Variants in YEATS2 observed in about 807,000 individuals in gnomAD.
YEATS2 encodes the protein YEATS domain containing 2, also known as YEATS domain-containing protein 2.
A neutral mutation model predicts 163.2 loss-of-function variants in YEATS2; 77 were observed. The observed-to-expected ratio is 0.47, with a 90% CI of 0.39 to 0.57. The LOEUF (loss-of-function observed/expected upper bound fraction) is 0.57, where lower values mean the gene tolerates loss of function less well. YEATS2 is among the 20% of genes least tolerant of loss of function. YEATS2 has a pLI of 0.00. For missense variants in YEATS2, 1,549 were observed against 1,729.8 expected, an observed-to-expected ratio of 0.90 and a Z score of 1.85; for synonymous variants, 631 against 645.1, an observed-to-expected ratio of 0.98 and a Z score of 0.33.
chr3:183,756,908 T>G (rs1720831806), intron 12 of YEATS2, among the ~76,000 whole-genome samples: 1 of 152,232 alleles, frequency 6.6e-6, no homozygotes, highest in Non-Finnish European at 1.5e-5. Flanking sequence ...TTTTAATTTC[T>G]AAAAGTTCAA....
At chr3:183,706,354 G>A (rs1282924463) in intron 1 of YEATS2, among the ~76,000 whole-genome samples, 1 of 152,138 alleles carries the variant, frequency 6.6e-6, no homozygotes, top group Non-Finnish European at 1.5e-5. Context: ...CTTAGGTCAT[G>A]TTAAGGAATG....
chr3:183,760,352 G>A (rs1001268707), intron 13 of YEATS2, among the ~76,000 whole-genome samples: 2 of 116,024 alleles, frequency 1.7e-5, no homozygotes, highest in East Asian at 2.8e-4. Flanking sequence ...ACAGAGTTTC[G>A]CTCTCGTTGC....
chr3:183,760,899 C>G (rs1264461992), intron 13 of YEATS2, among the ~76,000 whole-genome samples: 1 of 152,060 alleles, frequency 6.6e-6, no homozygotes, highest in Non-Finnish European at 1.5e-5. Context: ...TAGTGGTTTA[C>G]CAACTATCGG....
At chr3:183,718,639 T>C in intron 4 of YEATS2, 47 bp downstream of exon 4, 1 of 1,391,296 alleles carries the variant, frequency 7.2e-7, no homozygotes. Context: ...TCATATTTGT[T>C]GTCTGAGGGG....
intron 10 of YEATS2, among the ~76,000 whole-genome samples, chr3:183,752,862 A>ATCTC (rs1289965601): frequency 1.3e-5 from 2 of 151,414 alleles, no homozygotes; most frequent in Non-Finnish European, 2.9e-5. Context: ...CAGTGGCATG[A>ATCTC]TCTCGCCTCA....
At chr3:183,755,838 C>A (rs1720702424) in intron 11 of YEATS2, among the ~76,000 whole-genome samples, 1 of 148,178 alleles carries the variant, frequency 6.7e-6, no homozygotes, top group Non-Finnish European at 1.5e-5. Context: ...ACTCCGCCAC[C>A]CGGGTTCAAG....
chr3:183,703,654 T>C (rs1016168288), intron 1 of YEATS2, among the ~76,000 whole-genome samples: 3 of 152,194 alleles, frequency 2.0e-5, no homozygotes, highest in African/African-American at 7.2e-5. Flanking sequence ...CATTGAAATA[T>C]AGATTTTGAT....
chr3:183,780,961 A>G (rs1206051654), intron 19 of YEATS2, among the ~76,000 whole-genome samples: 1 of 152,210 alleles, frequency 6.6e-6, no homozygotes, highest in African/African-American at 2.4e-5. Context: ...ACTCAATAAA[A>G]AAGTCAAATC....
chr3:183,757,223 T>A (rs1018831472), intron 12 of YEATS2, among the ~76,000 whole-genome samples: 4 of 152,208 alleles, frequency 2.6e-5, no homozygotes, highest in African/African-American at 9.6e-5. Context: ...TTAGGTTTTT[T>A]TGAAATGCTT....
chr3:183,803,078 A>G lies in YEATS2; in HGVS notation c.3503-178A>G, dbSNP rs549113075. ...TGTGTTGCTTTGAGTACACACGGCA[A>G]GACACCTTCTCTTCTGAGGAGACGC... On this transcript the variant is annotated intron_variant, in intron 25 of 30. Coordinates refer to ENST00000305135, the MANE Select transcript of YEATS2 (RefSeq NM_018023.5). 8.5e-4 allele frequency: 545 copies of G among 638,092 alleles called. 4 individuals carry two copies. The South Asian group carries it at 0.01, about 12-fold the overall frequency. The allele number at this position is 638,092 out of a possible 1,614,324, so 39.5% of individuals were successfully genotyped here.
At chr3:183,797,741 A>G (rs1370093785) in intron 21 of YEATS2, among the ~76,000 whole-genome samples, 182 bp from the exon 22 acceptor site, 1 of 152,170 alleles carries the variant, frequency 6.6e-6, no homozygotes, top group East Asian at 1.9e-4. Context: ...AATTATTGTC[A>G]TGCCGATGTT....
At chr3:183,765,836 A>G (rs1721849652) in intron 15 of YEATS2, among the ~76,000 whole-genome samples, 1 of 152,030 alleles carries the variant, frequency 6.6e-6, no homozygotes, top group Non-Finnish European at 1.5e-5. Flanking sequence ...AATCCCAGCT[A>G]CTTGGGAGGC....
chr3:183,772,758 T>TAC (rs139500481), intron 16 of YEATS2, among the ~76,000 whole-genome samples, 195 bp downstream of exon 16: 31,952 of 78,690 alleles, frequency 0.41, 3,618 homozygotes, highest in East Asian at 0.58. Flanking sequence ...GCTTTAAATT[T>TAC]ACACACACAC....
At chr3:183,808,127 A>G (rs1726411030) in intron 29 of YEATS2, 23 bp downstream of exon 29, 17 of 1,547,556 alleles carry the variant, frequency 1.1e-5, no homozygotes, top group Non-Finnish European at 1.5e-5. Context: ...AGGGGCCGCC[A>G]GCCAGGAAGG....
intron 1 of YEATS2, among the ~76,000 whole-genome samples, chr3:183,700,915 CAATT>C (rs1714013146): frequency 6.6e-6 from 1 of 151,240 alleles, no homozygotes; most frequent in Non-Finnish European, 1.5e-5. Flanking sequence ...TTGAGAGTGA[CAATT>C]AAGAGGTAAG....
intron 19 of YEATS2, among the ~76,000 whole-genome samples, chr3:183,784,105 G>A (rs1577186115): frequency 6.6e-6 from 1 of 152,126 alleles, no homozygotes. Flanking sequence ...GGTCAAGGTT[G>A]CCCAGGCTGG....
At position 183,790,672 on chromosome 3, in the gene YEATS2, T is replaced by C. The variant is rs1400657974; in HGVS notation, c.2914-125T>C. ...AATCTTTTTTAAATGGTATGGCATTTACTAAGTAGTCATTAACACCTAATA... is the reference window on the plus strand; with the variant it reads ...AATCTTTTTTAAATGGTATGGCATTCACTAAGTAGTCATTAACACCTAATA... On this transcript the variant is annotated intron_variant, in intron 20 of 30. Coordinates refer to ENST00000305135, the MANE Select transcript of YEATS2 (RefSeq NM_018023.5). The C allele has an allele frequency of 2.2e-5, 22 of 991,142 alleles. No individual in the cohort carries two copies. The East Asian group carries it at 5.4e-4, about 24-fold the overall frequency. The allele number at this position is 991,142 out of a possible 1,614,324, so 61.4% of individuals were successfully genotyped here.
chr3:183,786,657 G>A (rs1429224158), intron 20 of YEATS2, among the ~76,000 whole-genome samples: 2 of 148,238 alleles, frequency 1.3e-5, no homozygotes, highest in Non-Finnish European at 2.9e-5. Flanking sequence ...TTCATATAAA[G>A]GGAGTCATAT....
chr3:183,722,937 C>G (rs1169511774), intron 5 of YEATS2, among the ~76,000 whole-genome samples: 1 of 152,236 alleles, frequency 6.6e-6, no homozygotes, highest in Non-Finnish European at 1.5e-5. Flanking sequence ...CAGGCGTGAG[C>G]CACCGCGCCC....
Sources: gnomAD v4.1 joint callset for allele counts (sites outside exome capture counted in the v4.1 genomes callset) on GRCh38, gnomAD v4.1.1 for gene constraint, MANE v1.5 for transcripts, NCBI Gene and HGNC (gene_info 2026-07-23, HGNC 2026-07-21) for gene names.